ZNF804B: variants seen among roughly 807,000 people sequenced by gnomAD.
ZNF804B encodes the protein zinc finger 804B.
In ZNF804B, 80 loss-of-function variants were observed where a neutral mutation model predicts 101.4. That is an observed-to-expected ratio of 0.79 (90% CI 0.66 to 0.95). The LOEUF (loss-of-function observed/expected upper bound fraction) is 0.95. Among genes scored for constraint, ZNF804B ranks in the 40% least tolerant of loss-of-function variants. ZNF804B has a pLI of 0.00. For synonymous variants in ZNF804B, 622 were observed against 558.8 expected, an observed-to-expected ratio of 1.11 and a Z score of -1.59; for missense variants, 1,673 against 1,561.9, an observed-to-expected ratio of 1.07 and a Z score of -1.20.
chr7:89,180,468 C>G (rs1369315979), intron 1 of ZNF804B, among the ~76,000 whole-genome samples: 1 of 152,004 alleles, frequency 6.6e-6, no homozygotes, highest in East Asian at 1.9e-4. Context: ...CTGCCTGAAT[C>G]CTGATAATGC....
intron 2 of ZNF804B, among the ~76,000 whole-genome samples, chr7:89,302,637 T>C (rs112668499): frequency 0.019 from 2,818 of 152,068 alleles, 76 homozygotes; most frequent in African/African-American, 0.064. Flanking sequence ...GTTCCTGGTG[T>C]CAGTCCATTT....
intron 1 of ZNF804B, among the ~76,000 whole-genome samples, chr7:89,150,334 A>G (rs535051838): frequency 5.9e-5 from 9 of 152,154 alleles, no homozygotes; most frequent in Non-Finnish European, 1.0e-4. Context: ...TTGTTGCCCC[A>G]CTAGAAAACC....
chr7:88,794,504 G>T lies in ZNF804B; in HGVS notation c.108+34420G>T, dbSNP rs1273021668. ...ACTGGAACTTTTATCACTGAAACAT[G>T]CCATTGCATAAAAAGCCTCATTGGA... On this transcript the variant is annotated intron_variant, in intron 1 of 3. Coordinates refer to ENST00000333190, the MANE Select transcript of ZNF804B (RefSeq NM_181646.5). 3 of 1,613,672 alleles carry T rather than the reference G, an allele frequency of 1.9e-6. No individual in the cohort carries two copies. The East Asian group carries it at 6.7e-5, about 36-fold the overall frequency.
At chr7:88,853,898 G>A (rs1002353836) in intron 1 of ZNF804B, among the ~76,000 whole-genome samples, 4 of 152,024 alleles carry the variant, frequency 2.6e-5, no homozygotes, top group Non-Finnish European at 5.9e-5. Flanking sequence ...TAATAAATGT[G>A]TGTTTATTGG....
intron 2 of ZNF804B, among the ~76,000 whole-genome samples, chr7:89,289,486 G>T (rs1239678998): frequency 6.6e-6 from 1 of 152,160 alleles, no homozygotes; most frequent in Non-Finnish European, 1.5e-5. Flanking sequence ...AATTGCTAAT[G>T]CCACCCCTTT....
chr7:89,030,313 A>G (rs1020938241), intron 1 of ZNF804B, among the ~76,000 whole-genome samples: 1 of 152,200 alleles, frequency 6.6e-6, no homozygotes, highest in Non-Finnish European at 1.5e-5. Flanking sequence ...CATATTTTCA[A>G]GGACCATAGG....
At chr7:88,855,924 G>A (rs559102415) in intron 1 of ZNF804B, among the ~76,000 whole-genome samples, 1 of 152,168 alleles carries the variant, frequency 6.6e-6, no homozygotes, top group South Asian at 2.1e-4. Flanking sequence ...TAGATATGTG[G>A]CATTATTTCT....
At position 89,335,432 on chromosome 7, in the gene ZNF804B, T is replaced by C. The variant is rs778306531; in HGVS notation, c.2450T>C (p.Phe817Ser). 8.1e-6 allele frequency: 13 copies of C among 1,613,700 alleles called. No individual in the cohort carries two copies. Among genetic ancestry groups the C allele is most frequent in the Admixed American group, 3.3e-5 (2 of 59,932 alleles). ...AAACTGGGCAAAAATCAACAACAATTTTCAGGGCTAAAATCTACGAGAATC... is the reference window on the plus strand; with the variant it reads ...AAACTGGGCAAAAATCAACAACAATCTTCAGGGCTAAAATCTACGAGAATC... ...RQKLGKNQQQ[F>S]SGLKSTRIIY... The change falls in exon 4 of 4, where the codon TTT becomes TCT. Residue 817 changes from phenylalanine to serine, a missense_variant. Phe to Ser is a radical substitution (Grantham distance 155). Coordinates refer to ENST00000333190, the MANE Select transcript of ZNF804B (RefSeq NM_181646.5).
intron 1 of ZNF804B, among the ~76,000 whole-genome samples, chr7:88,940,447 C>A (rs1793039459): frequency 6.6e-6 from 1 of 151,778 alleles, no homozygotes; most frequent in Non-Finnish European, 1.5e-5. Context: ...CATACATAAG[C>A]TAAAAGCAGA....
chr7:89,254,271 A>G (rs552237299), intron 2 of ZNF804B, among the ~76,000 whole-genome samples: 1 of 152,284 alleles, frequency 6.6e-6, no homozygotes, highest in East Asian at 1.9e-4. Context: ...CTAGATAAAT[A>G]TTAATATTCA....
chr7:89,175,949 T>C (rs893043543), intron 1 of ZNF804B, among the ~76,000 whole-genome samples: 1 of 152,056 alleles, frequency 6.6e-6, no homozygotes, highest in Non-Finnish European at 1.5e-5. Flanking sequence ...TTAGTTCTAA[T>C]AGTTTCTGGT....
At chr7:89,022,080 C>G (rs989922710) in intron 1 of ZNF804B, among the ~76,000 whole-genome samples, 1 of 152,016 alleles carries the variant, frequency 6.6e-6, no homozygotes, top group Admixed American at 6.6e-5. Context: ...GGGGAAGTCT[C>G]TCTTGACTTC....
chr7:89,034,532 A>G (rs1788893760), intron 1 of ZNF804B, among the ~76,000 whole-genome samples: 1 of 152,074 alleles, frequency 6.6e-6, no homozygotes, highest in Non-Finnish European at 1.5e-5. Context: ...TAGTTTGGTG[A>G]GAATGATGGC....
At chr7:89,167,596 C>T (rs192791334) in intron 1 of ZNF804B, among the ~76,000 whole-genome samples, 57 of 152,130 alleles carry the variant, frequency 3.7e-4, no homozygotes, top group South Asian at 2.1e-4. Context: ...CTTTCTATAA[C>T]GCTTTTAAAG....
intron 1 of ZNF804B, among the ~76,000 whole-genome samples, chr7:88,841,220 A>G (rs763069181): frequency 1.3e-5 from 2 of 152,260 alleles, no homozygotes; most frequent in African/African-American, 4.8e-5. Flanking sequence ...TTGGATCTGG[A>G]TTTACACTGG....
At chr7:89,176,144 A>G (rs1791314995) in intron 1 of ZNF804B, among the ~76,000 whole-genome samples, 1 of 151,996 alleles carries the variant, frequency 6.6e-6, no homozygotes, top group African/African-American at 2.4e-5. Flanking sequence ...TAGATCTTAG[A>G]GGAAAGGCTT....
intron 1 of ZNF804B, among the ~76,000 whole-genome samples, chr7:88,840,772 GT>G: frequency 6.6e-6 from 1 of 152,226 alleles, no homozygotes; most frequent in East Asian, 1.9e-4. Flanking sequence ...GTAGGATAAA[GT>G]GTTATGAGGT....
chr7:89,141,353 A>C (rs1379719790), intron 1 of ZNF804B, among the ~76,000 whole-genome samples: 6 of 152,106 alleles, frequency 3.9e-5, no homozygotes, highest in Non-Finnish European at 7.4e-5. Context: ...CAGATATTCC[A>C]TTTGTTAAAA....
rs534218300 is a variant in ZNF804B at position 88,795,251 on chromosome 7, A to G, written c.108+35167A>G. On this transcript the variant is annotated intron_variant, in intron 1 of 3. Coordinates refer to ENST00000333190, the MANE Select transcript of ZNF804B (RefSeq NM_181646.5). ...GAAAAAACTTTGTAAATGTCATGTA[A>G]TGGTGATTACAGATTGTCCTTTATA... Among the ~76,000 whole-genome samples the G allele has an allele frequency of 5.9e-5, 9 of 152,294 alleles. No individual in the cohort carries two copies. In the East Asian group the frequency reaches 1.5e-3, roughly 26 times the overall value.
Sources: allele counts gnomAD v4.1 joint callset (sites outside exome capture counted in the v4.1 genomes callset), GRCh38; gene constraint gnomAD v4.1.1; transcripts MANE v1.5; gene names NCBI Gene and HGNC (gene_info 2026-07-23, HGNC 2026-07-21).